DAPK1: variants seen among roughly 807,000 people sequenced by gnomAD.
DAPK1 encodes the protein death-associated protein kinase 1.
A neutral mutation model predicts 144.9 loss-of-function variants in DAPK1; 56 were observed. That is an observed-to-expected ratio of 0.39 (90% CI 0.31 to 0.48). DAPK1 has a LOEUF of 0.48. DAPK1 is among the 20% of genes least tolerant of loss of function. DAPK1 has a pLI of 0.95. For missense variants in DAPK1, 1,454 were observed against 1,875.4 expected (o/e 0.78, Z 4.15); for synonymous variants, 690 against 749.0 (o/e 0.92, Z 1.29).
chr9:87,534,650 C>CT (rs546312068), intron 2 of DAPK1, among the ~76,000 whole-genome samples: 3,571 of 145,330 alleles, frequency 0.025, 80 homozygotes, highest in Middle Eastern at 0.06. Context: ...GATTTCTTTT[C>CT]TTTTTTTTTT....
intron 13 of DAPK1, 122 bp from the exon 14 acceptor site, chr9:87,647,183 G>T: frequency 1.3e-6 from 1 of 778,236 alleles, no homozygotes; most frequent in Admixed American, 1.9e-5. Context: ...TATTCCTCTG[G>T]GAAGTTGCTC....
At chr9:87,614,959 T>C in intron 3 of DAPK1, among the ~76,000 whole-genome samples, 1 of 152,160 alleles carries the variant, frequency 6.6e-6, no homozygotes, top group East Asian at 1.9e-4. Context: ...GAGTGAGGGT[T>C]GGAGACAGGC....
At chr9:87,687,206 A>G (rs577232105) in intron 21 of DAPK1, among the ~76,000 whole-genome samples, 1 of 152,268 alleles carries the variant, frequency 6.6e-6, no homozygotes, top group South Asian at 2.1e-4. Context: ...CTATTCTGCT[A>G]TTGAACACTG....
intron 2 of DAPK1, among the ~76,000 whole-genome samples, chr9:87,501,054 G>A (rs1824370438): frequency 6.6e-6 from 1 of 152,138 alleles, no homozygotes; most frequent in Non-Finnish European, 1.5e-5. Flanking sequence ...AAGTCCTAAT[G>A]TAAAATGGAC....
intron 2 of DAPK1, among the ~76,000 whole-genome samples, chr9:87,533,207 A>G (rs1167751148): frequency 1.3e-5 from 2 of 152,394 alleles, no homozygotes; most frequent in South Asian, 2.1e-4. Context: ...ATGCATATCT[A>G]TATGTAAAAA....
In DAPK1 at chr9:87,707,792, T is replaced by A; in HGVS notation, c.*428T>A. On this transcript the variant is annotated 3_prime_UTR_variant, in exon 26 of 26. Coordinates refer to ENST00000408954, the MANE Select transcript of DAPK1 (RefSeq NM_004938.4). This position sits in a 1 kb window ranked among gnomAD's most constrained non-coding sequence, Gnocchi z 4.0. ...AAAATGTGTATTTCTTATACGCTTT[T>A]CTTTGTTATACCATTTCCTCAGCTT... The A allele has an allele frequency of 2.2e-6, 1 of 455,680 alleles. No individual in the cohort carries two copies. Among genetic ancestry groups the A allele is most frequent in the Non-Finnish European group, 4.4e-6 (1 of 228,030 alleles). The allele number at this position is 455,680 out of a possible 1,614,324, so 28.2% of individuals were successfully genotyped here.
At chr9:87,577,794 C>T (rs1827618695) in intron 2 of DAPK1, among the ~76,000 whole-genome samples, 1 of 152,054 alleles carries the variant, frequency 6.6e-6, no homozygotes, top group African/African-American at 2.4e-5. Context: ...GAGACTCTGT[C>T]TCAGGAAAAA....
chr9:87,621,131 A>G (rs767355415), intron 3 of DAPK1, among the ~76,000 whole-genome samples: 4 of 152,158 alleles, frequency 2.6e-5, no homozygotes, highest in African/African-American at 7.2e-5. Flanking sequence ...CCCTCCTCCA[A>G]GTATTGCCTG....
intron 3 of DAPK1, among the ~76,000 whole-genome samples, chr9:87,607,050 T>TACCCTCCCACCC (rs1828757960): frequency 6.6e-6 from 1 of 151,296 alleles, no homozygotes; most frequent in South Asian, 2.1e-4. Flanking sequence ...CTGCTTCCCC[T>TACCCTCCCACCC]GTACCCTCCC....
chr9:87,499,454 A>G (rs906705195), intron 2 of DAPK1: 1 of 409,432 alleles, frequency 2.4e-6, no homozygotes, highest in Admixed American at 3.8e-5. Flanking sequence ...CAGGACAAAC[A>G]CTAAGATTAT....
intron 3 of DAPK1, among the ~76,000 whole-genome samples, chr9:87,637,350 C>T (rs1473183750): frequency 2.6e-5 from 4 of 152,076 alleles, no homozygotes; most frequent in African/African-American, 7.2e-5. Flanking sequence ...CCTCAGCCTC[C>T]CAAAGTGCTG....
At chr9:87,697,903 A>G (rs1056126394) in intron 22 of DAPK1, among the ~76,000 whole-genome samples, 3 of 152,208 alleles carry the variant, frequency 2.0e-5, no homozygotes, top group African/African-American at 4.8e-5. Flanking sequence ...GCAGTGAGCC[A>G]AGATCGTGCC....
chr9:87,507,813 G>A (rs987156444), intron 2 of DAPK1, among the ~76,000 whole-genome samples: 2 of 152,172 alleles, frequency 1.3e-5, no homozygotes, highest in African/African-American at 4.8e-5. Flanking sequence ...CTCGAGGTAC[G>A]GACTTCTTTT....
intron 21 of DAPK1, among the ~76,000 whole-genome samples, chr9:87,690,046 C>A (rs1475525405): frequency 6.6e-6 from 1 of 152,112 alleles, no homozygotes. Flanking sequence ...TGAAAAATGA[C>A]ATTGGTATTT....
At chr9:87,605,391 C>T (rs370740505) in intron 3 of DAPK1, among the ~76,000 whole-genome samples, 19 of 152,320 alleles carry the variant, frequency 1.2e-4, no homozygotes, top group African/African-American at 4.6e-4. Context: ...CACTGTGGTT[C>T]CACCCAGTTT....
intron 23 of DAPK1, among the ~76,000 whole-genome samples, chr9:87,699,746 C>T (rs1210565970): frequency 6.6e-6 from 1 of 152,168 alleles, no homozygotes; most frequent in Non-Finnish European, 1.5e-5. Flanking sequence ...CTTTTGCATT[C>T]ACACCTCTAT....
At chr9:87,509,794 A>G (rs1824762562) in intron 2 of DAPK1, among the ~76,000 whole-genome samples, 1 of 152,138 alleles carries the variant, frequency 6.6e-6, no homozygotes, top group Admixed American at 6.5e-5. Context: ...TCTTTCACAG[A>G]TTTCATTCCT....
intron 3 of DAPK1, 36 bp downstream of exon 3, chr9:87,605,211 T>TG (rs1410299830): frequency 6.4e-7 from 1 of 1,562,784 alleles, no homozygotes; most frequent in Non-Finnish European, 8.8e-7. Flanking sequence ...GGAGAGGGTG[T>TG]GGTGGGCGTC....
intron 2 of DAPK1, chr9:87,525,427 G>T: frequency 6.2e-7 from 1 of 1,610,866 alleles, no homozygotes. Context: ...TGTGCCGCCA[G>T]TGTTTCCGTC....
Sources: allele counts gnomAD v4.1 joint callset (sites outside exome capture counted in the v4.1 genomes callset), GRCh38; gene constraint gnomAD v4.1.1; non-coding constraint Gnocchi (gnomAD v3.1); transcripts MANE v1.5; gene names NCBI Gene and HGNC (gene_info 2026-07-23, HGNC 2026-07-21).